ATP8A2: variants seen among roughly 807,000 people sequenced by gnomAD.
The protein encoded by ATP8A2 is phospholipid-transporting ATPase IB.
In ATP8A2, 100 loss-of-function variants were observed where a neutral mutation model predicts 165.6. The ratio of observed to expected loss-of-function variants is 0.60; its 90% CI spans 0.51 to 0.71. The LOEUF is 0.71. Ranked by LOEUF, ATP8A2 falls within the 30% of genes least tolerant of loss-of-function variation. The pLI is 0.00. For missense variants in ATP8A2, 1,227 were observed against 1,479.5 expected (o/e 0.83, Z 2.80); for synonymous variants, 543 against 548.8 (o/e 0.99, Z 0.15).
At chr13:25,998,358 A>G (rs914143887) in intron 35 of ATP8A2, among the ~76,000 whole-genome samples, 1 of 152,072 alleles carries the variant, frequency 6.6e-6, no homozygotes, top group Non-Finnish European at 1.5e-5. Flanking sequence ...GGTGTTGGAG[A>G]GCCTCATAAC....
At chr13:25,596,471 C>A (rs1261807417) in intron 24 of ATP8A2, among the ~76,000 whole-genome samples, 1 of 152,164 alleles carries the variant, frequency 6.6e-6, no homozygotes, top group Non-Finnish European at 1.5e-5. Flanking sequence ...AGCACGCGGA[C>A]CTTCTTTCTA....
intron 24 of ATP8A2, among the ~76,000 whole-genome samples, chr13:25,656,496 G>A (rs2041930299): frequency 6.6e-6 from 1 of 151,864 alleles, no homozygotes; most frequent in Non-Finnish European, 1.5e-5. Context: ...GGCTGGTCTT[G>A]AACTCCTGAC....
chr13:25,912,643 C>T (rs992601532), intron 33 of ATP8A2, among the ~76,000 whole-genome samples: 1 of 152,142 alleles, frequency 6.6e-6, no homozygotes, highest in Non-Finnish European at 1.5e-5. Flanking sequence ...CATCACTTTG[C>T]ACCCCATAAA....
intron 27 of ATP8A2, among the ~76,000 whole-genome samples, chr13:25,818,195 G>A (rs1233168011): frequency 2.0e-5 from 3 of 152,108 alleles, no homozygotes; most frequent in African/African-American, 7.2e-5. Context: ...GTACAAAATG[G>A]GGAAGATTTT....
chr13:25,434,551 G>T (rs949440650), intron 1 of ATP8A2, among the ~76,000 whole-genome samples: 1 of 152,036 alleles, frequency 6.6e-6, no homozygotes, highest in Non-Finnish European at 1.5e-5. Context: ...GTTTTGCCAT[G>T]TTGGCCAGTC....
At chr13:25,932,573 C>G (rs1321927538) in intron 33 of ATP8A2, among the ~76,000 whole-genome samples, 1 of 152,144 alleles carries the variant, frequency 6.6e-6, no homozygotes, top group Non-Finnish European at 1.5e-5. Flanking sequence ...GCTTGTGAGC[C>G]TTGGGAGGCT....
Position 25,634,550 on chromosome 13 carries a change from G to T in ATP8A2, c.2211+44851G>T, listed in dbSNP as rs527305317. Among the ~76,000 whole-genome samples the T allele has an allele frequency of 4.0e-4, 61 of 152,088 alleles. 1 individual carries two copies. The highest frequency in any genetic ancestry group is 1.3e-4 in the Admixed American group (2 of 15,262). Reference sequence around the variant, plus strand: ...GTTTGTCTTAAGCCTTTTAAATTATGACTTACATGATCTCTTAAGGCCCCC... The same window carrying T: ...GTTTGTCTTAAGCCTTTTAAATTATTACTTACATGATCTCTTAAGGCCCCC... On this transcript the variant is annotated intron_variant, in intron 24 of 36. Transcript: ENST00000381655.
chr13:25,791,542 TACACACACACAC>T (rs55661899), intron 27 of ATP8A2, among the ~76,000 whole-genome samples: 2 of 142,982 alleles, frequency 1.4e-5, no homozygotes, highest in African/African-American at 5.2e-5. Context: ...CACACACACA[TACACACACACAC>T]ACACACACAC....
At chr13:25,909,209 A>C (rs550655645) in intron 33 of ATP8A2, among the ~76,000 whole-genome samples, 11 of 152,138 alleles carry the variant, frequency 7.2e-5, no homozygotes, top group Non-Finnish European at 1.2e-4. Flanking sequence ...CCCCAAAATG[A>C]TCTTAGTACC....
At chr13:25,516,968 A>G (rs2037495500) in intron 2 of ATP8A2, among the ~76,000 whole-genome samples, 1 of 151,820 alleles carries the variant, frequency 6.6e-6, no homozygotes, top group South Asian at 2.1e-4. Flanking sequence ...TTTAATAGAG[A>G]CAGGGTTTCA....
chr13:25,762,846 G>T (rs1474474981), intron 25 of ATP8A2, among the ~76,000 whole-genome samples: 1 of 152,172 alleles, frequency 6.6e-6, no homozygotes, highest in Non-Finnish European at 1.5e-5. Flanking sequence ...TTTATGGAAA[G>T]AAATGTACTG....
At chr13:25,881,053 G>A in intron 33 of ATP8A2, 1 of 340,360 alleles carries the variant, frequency 2.9e-6, no homozygotes, top group African/African-American at 2.2e-5. Flanking sequence ...GGTATTACAT[G>A]TATTCGTATC....
At chr13:25,507,085 A>G (rs1043029692) in intron 2 of ATP8A2, among the ~76,000 whole-genome samples, 2 of 151,706 alleles carry the variant, frequency 1.3e-5, no homozygotes, top group African/African-American at 2.4e-5. Flanking sequence ...ATATTACCTT[A>G]CCAAGAGTCA....
chr13:25,723,303 T>C (rs968073910), intron 25 of ATP8A2, among the ~76,000 whole-genome samples: 6 of 152,236 alleles, frequency 3.9e-5, no homozygotes, highest in African/African-American at 1.4e-4. Context: ...TCTACATTCT[T>C]GCCAAGACTT....
intron 2 of ATP8A2, among the ~76,000 whole-genome samples, chr13:25,522,347 T>G (rs2037698896): frequency 6.6e-6 from 1 of 152,178 alleles, no homozygotes; most frequent in Non-Finnish European, 1.5e-5. Flanking sequence ...ATCATGTCCT[T>G]TGTGAACAAG....
At chr13:25,401,549 A>G (rs535314399) in intron 1 of ATP8A2, among the ~76,000 whole-genome samples, 1 of 151,762 alleles carries the variant, frequency 6.6e-6, no homozygotes, top group East Asian at 1.9e-4. Context: ...CTCCTGCTTC[A>G]AGCTGTTCTT....
chr13:25,560,891 C>CTT (rs770147927), intron 15 of ATP8A2, among the ~76,000 whole-genome samples: 2 of 139,764 alleles, frequency 1.4e-5, no homozygotes, highest in Admixed American at 7.2e-5. Context: ...ACATTTTTTC[C>CTT]TTTTTTTTTT....
chr13:25,690,878 A>G (rs186967375), intron 24 of ATP8A2, among the ~76,000 whole-genome samples: 22 of 152,336 alleles, frequency 1.4e-4, no homozygotes, highest in African/African-American at 3.6e-4. Flanking sequence ...ACGTAAGTCT[A>G]CACAGAGACC....
At chr13:25,845,787 GC>G (rs1415691058) in intron 30 of ATP8A2, among the ~76,000 whole-genome samples, 2 of 152,168 alleles carry the variant, frequency 1.3e-5, no homozygotes, top group African/African-American at 4.8e-5. Flanking sequence ...CCTGAGACTT[GC>G]GTTGTTTCAC....
Sources: gnomAD v4.1 joint callset for allele counts (sites outside exome capture counted in the v4.1 genomes callset) on GRCh38, gnomAD v4.1.1 for gene constraint, MANE v1.5 for transcripts, NCBI Gene and HGNC (gene_info 2026-07-23, HGNC 2026-07-21) for gene names.